OPCML: variants seen among roughly 807,000 people sequenced by gnomAD.
The protein encoded by OPCML is opioid-binding protein/cell adhesion molecule.
Under a neutral mutation model 37.8 loss-of-function variants are expected in OPCML, and 13 were observed. The ratio of observed to expected loss-of-function variants is 0.34; its 90% CI spans 0.22 to 0.55. The LOEUF (loss-of-function observed/expected upper bound fraction) is 0.55. Among genes scored for constraint, OPCML ranks in the 20% least tolerant of loss-of-function variants. The pLI, the probability that OPCML is intolerant of heterozygous loss-of-function variation, is 0.91. For missense variants in OPCML, 341 were observed against 435.6 expected, an observed-to-expected ratio of 0.78 and a Z score of 1.93; for synonymous variants, 176 against 168.8, an observed-to-expected ratio of 1.04 and a Z score of -0.33.
chr11:133,010,099 A>G (rs1204491274), intron 1 of OPCML, among the ~76,000 whole-genome samples: 2 of 152,048 alleles, frequency 1.3e-5, no homozygotes, highest in Non-Finnish European at 2.9e-5. Context: ...TTGAATCCCT[A>G]CTGTCCTGTC....
intron 4 of OPCML, among the ~76,000 whole-genome samples, chr11:132,482,177 A>T: frequency 6.7e-6 from 1 of 149,922 alleles, no homozygotes. Context: ...TGCTAGCAAG[A>T]CTAATAAAGA....
At chr11:133,503,687 G>A (rs150170669) in intron 1 of OPCML, among the ~76,000 whole-genome samples, 2 of 152,280 alleles carry the variant, frequency 1.3e-5, no homozygotes, top group African/African-American at 4.8e-5. Flanking sequence ...GATCTATCCG[G>A]GTCAGGCTGG....
At chr11:132,710,880 GA>G (rs1333333238) in intron 2 of OPCML, among the ~76,000 whole-genome samples, 1 of 151,708 alleles carries the variant, frequency 6.6e-6, no homozygotes, top group South Asian at 2.1e-4. Context: ...AAAGAAAAAG[GA>G]AAAAAAGTGA....
At chr11:132,986,985 C>G (rs570181496) in intron 1 of OPCML, among the ~76,000 whole-genome samples, 1 of 152,156 alleles carries the variant, frequency 6.6e-6, no homozygotes, top group Non-Finnish European at 1.5e-5. Context: ...GCCAGTGAGA[C>G]GATGCGAATG....
intron 4 of OPCML, among the ~76,000 whole-genome samples, chr11:132,469,128 G>A (rs1446929457): frequency 1.3e-5 from 2 of 152,154 alleles, no homozygotes; most frequent in African/African-American, 4.8e-5. Context: ...TGTTTTAAGT[G>A]CCAAGAATTC....
intron 2 of OPCML, among the ~76,000 whole-genome samples, chr11:132,751,337 A>C (rs1945825090): frequency 6.6e-6 from 1 of 152,146 alleles, no homozygotes; most frequent in South Asian, 2.1e-4. Context: ...CTCTCTAAAC[A>C]CTGCCACCAG....
chr11:133,464,806 G>A (rs191168376), intron 1 of OPCML, among the ~76,000 whole-genome samples: 39 of 152,296 alleles, frequency 2.6e-4, no homozygotes, highest in African/African-American at 8.4e-4. Context: ...GTACAAGAGC[G>A]GAGGCTGCTG....
intron 1 of OPCML, among the ~76,000 whole-genome samples, chr11:133,270,483 G>C (rs977481050): frequency 6.6e-6 from 1 of 152,010 alleles, no homozygotes; most frequent in East Asian, 1.9e-4. Context: ...GACATATAAG[G>C]GATTGTTTTA....
chr11:132,856,567 G>T (rs1942065433), intron 2 of OPCML, among the ~76,000 whole-genome samples: 1 of 152,170 alleles, frequency 6.6e-6, no homozygotes, highest in Non-Finnish European at 1.5e-5. Flanking sequence ...GTGATCAGTA[G>T]CTTCCCGATA....
Position 133,328,916 on chromosome 11 carries a change from T to A in OPCML, c.61+203348A>T, listed in dbSNP as rs1412019693. On this transcript the variant is annotated intron_variant, in intron 1 of 7. Transcript: ENST00000524381. ...TTGTCCCTGTTTGCAGACGACATGA[T>A]TGTATATCTAGAAAACCCCATCGTC... Among the ~76,000 whole-genome samples, 2 of 152,172 alleles carry A rather than the reference T, an allele frequency of 1.3e-5. 1 individual carries two copies. Among genetic ancestry groups the A allele is most frequent in the Admixed American group, 1.3e-4 (2 of 15,270 alleles).
chr11:133,124,005 C>G (rs1949460097), intron 1 of OPCML, among the ~76,000 whole-genome samples: 1 of 151,930 alleles, frequency 6.6e-6, no homozygotes, highest in African/African-American at 2.4e-5. Context: ...TATCCTTCAA[C>G]ATGAATGCCA....
chr11:132,568,515 A>G (rs1240507138), intron 3 of OPCML, among the ~76,000 whole-genome samples: 1 of 152,214 alleles, frequency 6.6e-6, no homozygotes, highest in African/African-American at 2.4e-5. Flanking sequence ...TTATAAGAAG[A>G]GAGAAATTTG....
chr11:132,423,922 G>A (rs979104201), intron 7 of OPCML, among the ~76,000 whole-genome samples: 1 of 152,134 alleles, frequency 6.6e-6, no homozygotes, highest in Non-Finnish European at 1.5e-5. Flanking sequence ...TGGCTTCAGA[G>A]TCAGATTGAG....
At chr11:132,799,072 T>G (rs1938494526) in intron 2 of OPCML, among the ~76,000 whole-genome samples, 1 of 151,862 alleles carries the variant, frequency 6.6e-6, no homozygotes, top group African/African-American at 2.4e-5. Context: ...TGGCTTCAAC[T>G]TGTGGTCACC....
intron 1 of OPCML, among the ~76,000 whole-genome samples, chr11:133,092,724 A>AAAAC (rs1192509939): frequency 6.6e-6 from 1 of 152,138 alleles, no homozygotes; most frequent in South Asian, 2.1e-4. Context: ...AGACTGTCTC[A>AAAAC]AAACAAACAA....
At chr11:132,808,968 T>A (rs1939174124) in intron 2 of OPCML, among the ~76,000 whole-genome samples, 1 of 152,024 alleles carries the variant, frequency 6.6e-6, no homozygotes, top group Non-Finnish European at 1.5e-5. Flanking sequence ...CTTTGCTTTT[T>A]TAAAATTTGG....
intron 2 of OPCML, among the ~76,000 whole-genome samples, chr11:132,745,268 C>T (rs560092797): frequency 2.0e-5 from 3 of 152,106 alleles, no homozygotes; most frequent in Non-Finnish European, 2.9e-5. Context: ...CAAAAAGAGC[C>T]GTCTCATAAG....
At chr11:132,956,121 C>A (rs1473304358) in intron 1 of OPCML, among the ~76,000 whole-genome samples, 1 of 152,180 alleles carries the variant, frequency 6.6e-6, no homozygotes, top group African/African-American at 2.4e-5. Flanking sequence ...CACATTTGGA[C>A]ACTGGATTTT....
chr11:133,063,750 C>A (rs1394923873), intron 1 of OPCML, among the ~76,000 whole-genome samples: 1 of 152,032 alleles, frequency 6.6e-6, no homozygotes, highest in Non-Finnish European at 1.5e-5. Context: ...TTAGTAGAGA[C>A]GAAGTTTCAC....
Sources: allele counts gnomAD v4.1 joint callset (sites outside exome capture counted in the v4.1 genomes callset), GRCh38; gene constraint gnomAD v4.1.1; transcripts MANE v1.5; gene names NCBI Gene and HGNC (gene_info 2026-07-23, HGNC 2026-07-21).